Variants in RBFOX1 observed in about 807,000 individuals in gnomAD.
RBFOX1 encodes the protein RNA binding protein fox-1 homolog 1.
Under a neutral mutation model 57.7 loss-of-function variants are expected in RBFOX1, and 8 were observed. The ratio of observed to expected loss-of-function variants is 0.14; its 90% CI spans 0.08 to 0.25. RBFOX1 has a LOEUF of 0.25. Among genes scored for constraint, RBFOX1 ranks in the 10% least tolerant of loss-of-function variants. RBFOX1 has a pLI of 1.00. For synonymous variants in RBFOX1, 326 were observed against 222.4 expected, an observed-to-expected ratio of 1.47 and a Z score of -4.15; for missense variants, 611 against 548.5, an observed-to-expected ratio of 1.11 and a Z score of -1.14.
intron 3 of RBFOX1, among the ~76,000 whole-genome samples, chr16:5,763,231 A>G (rs1308271673): frequency 1.3e-5 from 2 of 152,180 alleles, no homozygotes; most frequent in Admixed American, 6.5e-5. Context: ...TCAATTGCAG[A>G]TCCACACTCG....
chr16:7,488,732 T>C (rs557740580), intron 4 of RBFOX1, among the ~76,000 whole-genome samples: 5 of 152,070 alleles, frequency 3.3e-5, no homozygotes, highest in Non-Finnish European at 5.9e-5. Flanking sequence ...TCATCTATTA[T>C]CCACCTATCT....
chr16:7,539,356 T>A (rs1030327756), intron 5 of RBFOX1, among the ~76,000 whole-genome samples: 1 of 152,104 alleles, frequency 6.6e-6, no homozygotes, highest in Non-Finnish European at 1.5e-5. Flanking sequence ...GTGAAGAGTA[T>A]GTGCAAAGCC....
chr16:6,679,379 A>G (rs565510718), intron 3 of RBFOX1, among the ~76,000 whole-genome samples: 8 of 152,206 alleles, frequency 5.3e-5, no homozygotes, highest in South Asian at 2.1e-4. Flanking sequence ...TTGTCTTGCT[A>G]TATTGGTGAT....
chr16:6,925,672 G>A (rs571799034), intron 3 of RBFOX1, among the ~76,000 whole-genome samples: 9 of 152,034 alleles, frequency 5.9e-5, no homozygotes, highest in Middle Eastern at 3.4e-3. Flanking sequence ...CCTGGAATGC[G>A]TTAACAGCTT....
chr16:7,546,879 G>A (rs929195974), intron 5 of RBFOX1, among the ~76,000 whole-genome samples: 13 of 152,150 alleles, frequency 8.5e-5, no homozygotes, highest in East Asian at 5.8e-4. Context: ...GCACACTACC[G>A]TGATTGTTTC....
intron 5 of RBFOX1, among the ~76,000 whole-genome samples, chr16:7,575,653 C>G (rs148477312): frequency 6.9e-4 from 105 of 152,278 alleles, no homozygotes; most frequent in African/African-American, 2.4e-3. Flanking sequence ...AGATTTCTGT[C>G]CTCTACAACT....
At chr16:5,941,009 A>G (rs1387870451) in intron 4 of RBFOX1, among the ~76,000 whole-genome samples, 2 of 152,222 alleles carry the variant, frequency 1.3e-5, no homozygotes, top group Admixed American at 6.5e-5. Flanking sequence ...TAGAAGGAAT[A>G]ACATACTTAT....
chr16:6,291,597 C>G (rs141508450), intron 1 of RBFOX1, among the ~76,000 whole-genome samples: 21 of 152,304 alleles, frequency 1.4e-4, no homozygotes, highest in African/African-American at 4.3e-4. Flanking sequence ...ACATACCTCC[C>G]TCACCTCTTG....
At chr16:6,569,131 G>A (rs544440742) in intron 2 of RBFOX1, among the ~76,000 whole-genome samples, 1 of 152,158 alleles carries the variant, frequency 6.6e-6, no homozygotes, top group South Asian at 2.1e-4. Context: ...TCTGCCTCTT[G>A]ATATCCATGT....
chr16:5,333,118 G>A (rs1487454952), intron 1 of RBFOX1, among the ~76,000 whole-genome samples: 6 of 151,966 alleles, frequency 3.9e-5, no homozygotes, highest in Admixed American at 3.9e-4. Flanking sequence ...AACCCAGGAG[G>A]TGGAGGTTGC....
intron 3 of RBFOX1, chr16:6,773,866 G>C (rs1032309704): frequency 2.8e-6 from 2 of 706,800 alleles, no homozygotes; most frequent in African/African-American, 3.9e-5. Flanking sequence ...TGTGGATGTA[G>C]GGTGCGTTTG....
intron 2 of RBFOX1, among the ~76,000 whole-genome samples, chr16:6,489,908 T>C (rs1210587587): frequency 6.7e-6 from 1 of 149,460 alleles, no homozygotes; most frequent in Non-Finnish European, 1.5e-5. Flanking sequence ...CCTACTTAAT[T>C]GTCATGTTGG....
rs561801174 is a variant in RBFOX1, at chr16:6,135,022, T to C, written c.-127+115030T>C. 1.7e-3 allele frequency among the ~76,000 whole-genome samples: 243 copies of C among 146,748 alleles called. 2 individuals are homozygous for C. The highest frequency in any genetic ancestry group is 0.014 in the Middle Eastern group (4 of 292). On this transcript the variant is annotated intron_variant, in intron 1 of 15. Transcript: ENST00000550418. ...CCCCTGACCCCACTACAGGCCCCGGTGTATGATGTTCCCCTTCCTGTGTCC... is the reference window on the plus strand; with the variant it reads ...CCCCTGACCCCACTACAGGCCCCGGCGTATGATGTTCCCCTTCCTGTGTCC...
chr16:5,263,712 G>C lies in RBFOX1; in HGVS notation c.219+23607G>C, dbSNP rs112351531. On this transcript the variant is annotated intron_variant, in intron 1 of 2. Transcript: ENST00000585867. The stretch of plus-strand genomic sequence containing the variant: ...GAGGGTCAAGGTACAGTGATCTAGG[G>C]GTGAGATGGAAGTGATTTGGGAGAA... Among the ~76,000 whole-genome samples the C allele has an allele frequency of 9.7e-3, 1,475 of 152,230 alleles. 21 individuals carry two copies. Among genetic ancestry groups the C allele is most frequent in the African/African-American group, 0.026 (1,093 of 41,530 alleles).
At chr16:7,162,975 T>G (rs577573917) in intron 4 of RBFOX1, among the ~76,000 whole-genome samples, 17 of 152,160 alleles carry the variant, frequency 1.1e-4, no homozygotes, top group Non-Finnish European at 1.8e-4. Context: ...GCCAGTCACC[T>G]GGCATCTCCA....
At chr16:7,490,097 T>C (rs2066529067) in intron 4 of RBFOX1, among the ~76,000 whole-genome samples, 1 of 152,206 alleles carries the variant, frequency 6.6e-6, no homozygotes, top group Non-Finnish European at 1.5e-5. Flanking sequence ...AGTGAACATC[T>C]TTGCCATGTG....
intron 4 of RBFOX1, among the ~76,000 whole-genome samples, chr16:7,491,182 C>T (rs563958031): frequency 6.6e-6 from 1 of 152,206 alleles, no homozygotes; most frequent in African/African-American, 2.4e-5. Context: ...ATTCTTCAAC[C>T]ACCCACTTAC....
At chr16:6,306,644 G>C (rs1464298637) in intron 1 of RBFOX1, among the ~76,000 whole-genome samples, 1 of 152,120 alleles carries the variant, frequency 6.6e-6, no homozygotes, top group East Asian at 1.9e-4. Context: ...GAACTCACTG[G>C]CCGTTTCTAC....
intron 1 of RBFOX1, among the ~76,000 whole-genome samples, chr16:5,420,755 C>G (rs965815433): frequency 2.0e-5 from 3 of 151,996 alleles, no homozygotes; most frequent in Non-Finnish European, 4.4e-5. Context: ...AGGCTGGTCT[C>G]AAACTCTTGG....
Sources: gnomAD v4.1 joint callset for allele counts (sites outside exome capture counted in the v4.1 genomes callset) on GRCh38, gnomAD v4.1.1 for gene constraint, MANE v1.5 for transcripts, NCBI Gene and HGNC (gene_info 2026-07-23, HGNC 2026-07-21) for gene names.